The following HSD17B12 variants were observed in gnomAD, a reference collection of about 807,000 sequenced individuals.
HSD17B12 encodes the protein hydroxysteroid 17-beta dehydrogenase 12.
HSD17B12 carries 32 observed loss-of-function variants against 39.3 expected under a neutral mutation model. That is an observed-to-expected ratio of 0.81 (90% CI 0.61 to 1.09). HSD17B12 has a LOEUF of 1.09. Among genes scored for constraint, HSD17B12 ranks in the 50% least tolerant of loss-of-function variants. The probability of loss-of-function intolerance (pLI) is 0.00; values close to 1 mark genes in which losing one functional copy is unlikely to be tolerated. For missense variants in HSD17B12, 342 were observed against 382.9 expected, an observed-to-expected ratio of 0.89 and a Z score of 0.89; for synonymous variants, 150 against 146.7, an observed-to-expected ratio of 1.02 and a Z score of -0.16.
chr11:43,817,524 T>C (rs544166067), intron 6 of HSD17B12, among the ~76,000 whole-genome samples: 1 of 152,354 alleles, frequency 6.6e-6, no homozygotes, highest in South Asian at 2.1e-4. Flanking sequence ...GATTTTTGTA[T>C]AAGGTGATAG....
chr11:43,634,106 A>AAAAAAAAAAAAC, the HSD17B12 span, among the ~76,000 whole-genome samples: 1 of 136,720 alleles, frequency 7.3e-6, no homozygotes, highest in Non-Finnish European at 1.6e-5. Context: ...AAAAAAAAAA[A>AAAAAAAAAAAAC]AAAGAAAGAC....
chr11:43,602,880 T>A, the HSD17B12 span, among the ~76,000 whole-genome samples: 4 of 151,902 alleles, frequency 2.6e-5, no homozygotes, highest in Admixed American at 2.6e-4. Flanking sequence ...GATCATTTCC[T>A]CTCTGGCCTA....
At chr11:43,693,559 C>G (rs1349423293) in intron 1 of HSD17B12, among the ~76,000 whole-genome samples, 1 of 152,146 alleles carries the variant, frequency 6.6e-6, no homozygotes. Context: ...CCAATATCTC[C>G]TACCCAGAGT....
chr11:43,694,745 C>G (rs1372907228), intron 1 of HSD17B12, among the ~76,000 whole-genome samples: 5 of 152,066 alleles, frequency 3.3e-5, no homozygotes, highest in African/African-American at 1.2e-4. Flanking sequence ...TCAAATTCAT[C>G]TGGATCATAT....
At chr11:43,731,994 G>T (rs1191364607) in intron 1 of HSD17B12, among the ~76,000 whole-genome samples, 1 of 152,144 alleles carries the variant, frequency 6.6e-6, no homozygotes, top group Non-Finnish European at 1.5e-5. Flanking sequence ...TATATGGTTT[G>T]GCTGTGTCCC....
intron 3 of HSD17B12, among the ~76,000 whole-genome samples, chr11:43,794,623 G>A (rs571977095): frequency 2.0e-4 from 31 of 152,254 alleles, no homozygotes; most frequent in Middle Eastern, 3.4e-3. Flanking sequence ...AACATTCACC[G>A]GGATCAGCCA....
intron 6 of HSD17B12, among the ~76,000 whole-genome samples, chr11:43,826,227 C>T (rs1323308567): frequency 7.2e-5 from 11 of 151,774 alleles, no homozygotes; most frequent in Admixed American, 3.9e-4. Context: ...GAACTACAGG[C>T]GCCCACCACC....
the HSD17B12 span, among the ~76,000 whole-genome samples, chr11:43,656,105 G>A: frequency 6.6e-6 from 1 of 152,158 alleles, no homozygotes; most frequent in South Asian, 2.1e-4. Flanking sequence ...TCTATTCAGA[G>A]ATTCAACTTC....
At chr11:43,571,355 T>C in the HSD17B12 span, among the ~76,000 whole-genome samples, 1 of 152,226 alleles carries the variant, frequency 6.6e-6, no homozygotes, top group Non-Finnish European at 1.5e-5. Flanking sequence ...TAAGCTCAAG[T>C]GTGCTGGAAT....
At position 43,831,123 on chromosome 11, in the gene HSD17B12, G is replaced by T; in HGVS notation, c.536+113G>T. 1.0e-6 allele frequency: 1 copy of T among 954,106 alleles called. No individual in the cohort carries two copies. The highest frequency in any genetic ancestry group is 1.6e-6 in the Non-Finnish European group (1 of 632,626). 59.1% of individuals were successfully genotyped at this position (954,106 alleles called of 1,614,324 possible). A position where few individuals can be genotyped will look rare whatever the true frequency, so the allele number is the denominator to read the frequency against. Reference sequence around the variant, plus strand: ...AGTGACTAATGAACCAAGCCTCCATGTCTTAGCCACAGAGTGATGTACCAG... The same window carrying T: ...AGTGACTAATGAACCAAGCCTCCATTTCTTAGCCACAGAGTGATGTACCAG... On this transcript the variant is annotated intron_variant, in intron 7 of 10. Transcript: ENST00000278353. The surrounding 1 kb of genome is among the most constrained non-coding windows in gnomAD (Gnocchi z 4.1).
chr11:43,609,192 G>A, the HSD17B12 span, among the ~76,000 whole-genome samples: 2 of 151,362 alleles, frequency 1.3e-5, no homozygotes, highest in South Asian at 2.1e-4. Context: ...TGCCCACCTC[G>A]GCCTCCCAAA....
At chr11:43,617,414 C>A in the HSD17B12 span, among the ~76,000 whole-genome samples, 2 of 152,098 alleles carry the variant, frequency 1.3e-5, no homozygotes, top group Admixed American at 1.3e-4. Flanking sequence ...CGGATCCACA[C>A]TAGAGGCATG....
intron 9 of HSD17B12, chr11:43,848,357 C>A (rs1951498990): frequency 6.6e-6 from 1 of 152,154 alleles, no homozygotes; most frequent in Admixed American, 6.5e-5. Context: ...ACAAGACCTA[C>A]AAGCTTAAGA....
At chr11:43,760,007 T>TGCCTC (rs2134962939) in intron 3 of HSD17B12, among the ~76,000 whole-genome samples, 1 of 152,164 alleles carries the variant, frequency 6.6e-6, no homozygotes, top group Admixed American at 6.5e-5. Context: ...GCAATTCTTG[T>TGCCTC]GCCTCAGCCT....
At chr11:43,805,771 C>T (rs1238909547) in intron 4 of HSD17B12, among the ~76,000 whole-genome samples, 3 of 152,190 alleles carry the variant, frequency 2.0e-5, no homozygotes, top group African/African-American at 7.2e-5. Flanking sequence ...GCAGACTCCA[C>T]AGGTTCAGGA....
chr11:43,690,254 G>T (rs1227119085), intron 1 of HSD17B12, among the ~76,000 whole-genome samples: 2 of 150,486 alleles, frequency 1.3e-5, no homozygotes, highest in Non-Finnish European at 3.0e-5. Context: ...GTAAGGCAAG[G>T]ATCTTTGTCT....
At chr11:43,655,174 T>C in the HSD17B12 span, among the ~76,000 whole-genome samples, 1 of 152,174 alleles carries the variant, frequency 6.6e-6, no homozygotes, top group African/African-American at 2.4e-5. Flanking sequence ...GCAATTGTGA[T>C]TGGGAGTTCA....
chr11:43,573,112 C>T, the HSD17B12 span, among the ~76,000 whole-genome samples: 2 of 152,188 alleles, frequency 1.3e-5, no homozygotes, highest in Non-Finnish European at 2.9e-5. Flanking sequence ...AACGAGTCCT[C>T]CTCATGCTTG....
At chr11:43,776,875 A>T (rs917708922) in intron 3 of HSD17B12, among the ~76,000 whole-genome samples, 17 of 152,044 alleles carry the variant, frequency 1.1e-4, no homozygotes, top group Admixed American at 3.3e-4. Flanking sequence ...CCTTTCCCCA[A>T]TGCTTGTTTT....
Sources: gnomAD v4.1 joint callset for allele counts (sites outside exome capture counted in the v4.1 genomes callset) on GRCh38, gnomAD v4.1.1 for gene constraint, Gnocchi (gnomAD v3.1) non-coding constraint, MANE v1.5 for transcripts, NCBI Gene and HGNC (gene_info 2026-07-23, HGNC 2026-07-21) for gene names.